The following OTUD7A variants were observed in gnomAD, a reference collection of about 807,000 sequenced individuals.
The protein encoded by OTUD7A is OTU deubiquitinase 7A, also known as OTU domain-containing protein 7A.
A neutral mutation model predicts 65.7 loss-of-function variants in OTUD7A; 12 were observed. The ratio of observed to expected loss-of-function variants is 0.18; its 90% CI spans 0.12 to 0.30. The LOEUF is 0.30. Among genes scored for constraint, OTUD7A ranks in the 10% least tolerant of loss-of-function variants. The probability of loss-of-function intolerance (pLI) is 1.00; values close to 1 mark genes in which losing one functional copy is unlikely to be tolerated. For synonymous variants in OTUD7A, 641 were observed against 586.3 expected (o/e 1.09, Z -1.35); for missense variants, 1,148 against 1,304.8 (o/e 0.88, Z 1.85).
At chr15:31,671,425 T>C (rs1237129078) in intron 1 of OTUD7A, among the ~76,000 whole-genome samples, 1 of 152,216 alleles carries the variant, frequency 6.6e-6, no homozygotes, top group Admixed American at 6.5e-5. Context: ...GGTCTATGTG[T>C]CTGTTTTTTG....
intron 1 of OTUD7A, among the ~76,000 whole-genome samples, chr15:31,715,133 A>G (rs1893550026): frequency 1.3e-5 from 2 of 152,158 alleles, no homozygotes; most frequent in South Asian, 4.2e-4. Context: ...CTCTGTCTCA[A>G]AAAAACAAAA....
At chr15:31,676,585 C>T (rs1892599562) in intron 1 of OTUD7A, among the ~76,000 whole-genome samples, 1 of 152,180 alleles carries the variant, frequency 6.6e-6, no homozygotes, top group Admixed American at 6.5e-5. Flanking sequence ...GGCCTGTGAC[C>T]ATGAGGGACG....
intron 3 of OTUD7A, among the ~76,000 whole-genome samples, chr15:31,607,948 T>C (rs1890283917): frequency 6.6e-6 from 1 of 152,178 alleles, no homozygotes; most frequent in African/African-American, 2.4e-5. Flanking sequence ...TTTAATATGG[T>C]AGATGTTAAA....
At chr15:31,866,658 A>G (rs1246553665) in intron 1 of OTUD7A, among the ~76,000 whole-genome samples, 1 of 152,196 alleles carries the variant, frequency 6.6e-6, no homozygotes, top group African/African-American at 2.4e-5. Flanking sequence ...ATATTTTCAC[A>G]TTAAATACGT....
intron 1 of OTUD7A, among the ~76,000 whole-genome samples, chr15:31,804,146 C>G (rs1020038847): frequency 4.6e-5 from 7 of 152,184 alleles, no homozygotes; most frequent in Non-Finnish European, 8.8e-5. Flanking sequence ...AGGATGGCTT[C>G]CAAACCTTCA....
At chr15:31,741,496 CAT>C (rs1894343305) in intron 1 of OTUD7A, among the ~76,000 whole-genome samples, 2 of 151,972 alleles carry the variant, frequency 1.3e-5, no homozygotes, top group African/African-American at 2.4e-5. Flanking sequence ...TCCATATACA[CAT>C]AGATATTTAA....
intron 1 of OTUD7A, among the ~76,000 whole-genome samples, chr15:31,809,381 G>A (rs142946215): frequency 6.6e-6 from 1 of 152,274 alleles, no homozygotes; most frequent in East Asian, 1.9e-4. Context: ...GTAGTGGTGG[G>A]TTACTGCGTC....
At chr15:31,530,427 A>G (rs758176427) in intron 6 of OTUD7A, among the ~76,000 whole-genome samples, 5 of 152,160 alleles carry the variant, frequency 3.3e-5, no homozygotes, top group Admixed American at 6.5e-5. Context: ...TATTTGTACC[A>G]GGCGACGGTC....
intron 1 of OTUD7A, among the ~76,000 whole-genome samples, chr15:31,868,142 A>C (rs907782887): frequency 6.6e-6 from 1 of 152,250 alleles, no homozygotes; most frequent in African/African-American, 2.4e-5. Context: ...TTTACTTCTT[A>C]GAAACGGAAG....
At chr15:31,852,119 A>G (rs1363066065) in intron 1 of OTUD7A, among the ~76,000 whole-genome samples, 1 of 152,216 alleles carries the variant, frequency 6.6e-6, no homozygotes, top group Non-Finnish European at 1.5e-5. Flanking sequence ...GGCCTCCCAA[A>G]GTGCTGGGAT....
At chr15:31,722,000 G>A (rs1893752534) in intron 1 of OTUD7A, among the ~76,000 whole-genome samples, 1 of 152,254 alleles carries the variant, frequency 6.6e-6, no homozygotes, top group South Asian at 2.1e-4. Flanking sequence ...ATAACTGAAG[G>A]AGAAGAGGCG....
chr15:31,503,839 A>G, intron 8 of OTUD7A, 21 bp from the exon 9 acceptor site: 1 of 1,613,858 alleles, frequency 6.2e-7, no homozygotes, highest in Non-Finnish European at 8.5e-7. Flanking sequence ...AAACAGAGCC[A>G]GCTGGTCACT....
At chr15:31,537,856 G>A (rs950898375) in intron 5 of OTUD7A, among the ~76,000 whole-genome samples, 2 of 152,232 alleles carry the variant, frequency 1.3e-5, no homozygotes, top group Non-Finnish European at 2.9e-5. Flanking sequence ...GACAATCAGG[G>A]AGAGGAGGGA....
rs753401930 is a variant in OTUD7A at position 31,484,736 on chromosome 15, G to A, written c.1372-12C>T. On this transcript the variant is annotated splice_polypyrimidine_tract_variant and intron_variant, in intron 12 of 12. Transcript: ENST00000307050. The surrounding 1 kb of genome is among the most constrained non-coding windows in gnomAD (Gnocchi z 4.5). ...TGTGCCAGGGGCGCCTGTGTGGAGA[G>A]GGAGGGCCGGATCGAAGGTGGTTAG... is the stretch of plus-strand genomic sequence containing the variant. 5 of 1,588,410 alleles carry A rather than the reference G, an allele frequency of 3.1e-6. No homozygotes were observed. The highest frequency in any genetic ancestry group is 2.2e-5 in the East Asian group (1 of 44,486).
intron 1 of OTUD7A, among the ~76,000 whole-genome samples, chr15:31,681,958 A>AC (rs1158741862): frequency 1.3e-5 from 2 of 152,118 alleles, no homozygotes; most frequent in Non-Finnish European, 1.5e-5. Flanking sequence ...GCTATGAGAG[A>AC]CAAGATGGTG....
intron 3 of OTUD7A, among the ~76,000 whole-genome samples, chr15:31,624,767 C>T (rs1490256215): frequency 6.6e-6 from 1 of 152,100 alleles, no homozygotes; most frequent in Non-Finnish European, 1.5e-5. Context: ...ATAAGTCAGA[C>T]TCAGGATGTT....
chr15:31,781,886 C>T (rs1468360944), intron 1 of OTUD7A, among the ~76,000 whole-genome samples: 3 of 152,164 alleles, frequency 2.0e-5, no homozygotes, highest in African/African-American at 7.2e-5. Flanking sequence ...GATTCTTAAA[C>T]GTGGAATCGT....
At chr15:31,845,662 C>T (rs192214653) in intron 1 of OTUD7A, among the ~76,000 whole-genome samples, 75 of 152,328 alleles carry the variant, frequency 4.9e-4, no homozygotes, top group African/African-American at 1.7e-3. Flanking sequence ...CCTCCCACTG[C>T]TCTTCATACT....
intron 3 of OTUD7A, among the ~76,000 whole-genome samples, chr15:31,613,139 T>C (rs989605699): frequency 2.6e-5 from 4 of 152,094 alleles, no homozygotes; most frequent in Non-Finnish European, 4.4e-5. Flanking sequence ...TTTACAAAAA[T>C]CAACTCAAGA....
Sources: allele counts gnomAD v4.1 joint callset (sites outside exome capture counted in the v4.1 genomes callset), GRCh38; gene constraint gnomAD v4.1.1; non-coding constraint Gnocchi (gnomAD v3.1); transcripts MANE v1.5; gene names NCBI Gene and HGNC (gene_info 2026-07-23, HGNC 2026-07-21).